Variants in LARGE1 observed in about 807,000 individuals in gnomAD.
LARGE1 encodes the protein LARGE xylosyl- and glucuronyltransferase 1.
A neutral mutation model predicts 87.6 loss-of-function variants in LARGE1; 43 were observed. That is an observed-to-expected ratio of 0.49 (90% CI 0.38 to 0.63). LARGE1 has a LOEUF of 0.63. Ranked by LOEUF, LARGE1 falls within the 30% of genes least tolerant of loss-of-function variation. The pLI, the probability that LARGE1 is intolerant of heterozygous loss-of-function variation, is 0.00. For synonymous variants in LARGE1, 434 were observed against 394.6 expected, an observed-to-expected ratio of 1.10 and a Z score of -1.18; for missense variants, 802 against 1,000.2, an observed-to-expected ratio of 0.80 and a Z score of 2.67.
chr22:33,839,572 G>A, intron 1 of LARGE1, among the ~76,000 whole-genome samples: 1 of 152,186 alleles, frequency 6.6e-6, no homozygotes, highest in East Asian at 1.9e-4. Context: ...ATGTTAGCAT[G>A]CCAATAGAGA....
At chr22:33,882,898 C>T (rs750368983) in intron 1 of LARGE1, among the ~76,000 whole-genome samples, 3 of 152,234 alleles carry the variant, frequency 2.0e-5, no homozygotes, top group African/African-American at 4.8e-5. Context: ...CTCCATAATC[C>T]AATTTTCCTC....
At chr22:33,329,204 G>A (rs1160658644) in intron 10 of LARGE1, among the ~76,000 whole-genome samples, 1 of 152,162 alleles carries the variant, frequency 6.6e-6, no homozygotes, top group East Asian at 1.9e-4. Context: ...GCTGGGCATA[G>A]GTGAATAATG....
intron 11 of LARGE1, among the ~76,000 whole-genome samples, chr22:33,183,624 A>ACACACACACACACG: frequency 9.8e-6 from 1 of 102,526 alleles, no homozygotes; most frequent in African/African-American, 2.9e-5. Context: ...ACACACGCAC[A>ACACACACACACACG]CACACACACA....
rs541319857 is a variant in LARGE1, at chr22:33,765,119, T to G, written c.-82-3561A>C. On this transcript the variant is annotated intron_variant, in intron 1 of 14. Transcript: ENST00000397394. ...TGCTTATGTAATTCTCAAAATAACCTACGAGATAAACACTATTTCCAGTCC... is the reference window on the plus strand; with the variant it reads ...TGCTTATGTAATTCTCAAAATAACCGACGAGATAAACACTATTTCCAGTCC... Among the ~76,000 whole-genome samples, 4 of 152,288 alleles carry G rather than the reference T, an allele frequency of 2.6e-5. No individual in the cohort carries two copies. In the South Asian group the frequency reaches 8.3e-4, roughly 32 times the overall value.
intron 11 of LARGE1, among the ~76,000 whole-genome samples, chr22:33,216,133 C>T (rs1280395364): frequency 6.6e-6 from 1 of 152,204 alleles, no homozygotes. Flanking sequence ...AATACTAGCT[C>T]TGTCACGTGC....
At chr22:33,728,563 A>AC (rs2083347642) in intron 2 of LARGE1, among the ~76,000 whole-genome samples, 1 of 142,362 alleles carries the variant, frequency 7.0e-6, no homozygotes, top group Admixed American at 7.1e-5. Flanking sequence ...AAAAAAAAAA[A>AC]AAAAAAAAAA....
At chr22:33,563,107 G>A (rs1050586913) in intron 6 of LARGE1, 1 of 152,400 alleles carries the variant, frequency 6.6e-6, no homozygotes, top group African/African-American at 2.4e-5. Flanking sequence ...TGTGGCCACA[G>A]GCATGGCCAC....
intron 11 of LARGE1, among the ~76,000 whole-genome samples, chr22:33,237,279 T>C (rs923306035): frequency 2.6e-5 from 4 of 152,186 alleles, no homozygotes; most frequent in African/African-American, 9.7e-5. Flanking sequence ...ATTTAAACCA[T>C]GATAAGCTTA....
intron 2 of LARGE1, among the ~76,000 whole-genome samples, chr22:33,667,111 A>C (rs1359313815): frequency 6.6e-6 from 1 of 152,226 alleles, no homozygotes; most frequent in Non-Finnish European, 1.5e-5. Flanking sequence ...ATAATTACTC[A>C]GCCCGGTGCA....
intron 6 of LARGE1, among the ~76,000 whole-genome samples, chr22:33,530,461 C>CTT (rs5845091): frequency 0.011 from 1,443 of 128,894 alleles, 17 homozygotes; most frequent in African/African-American, 0.04. Flanking sequence ...CTTGCTGAGG[C>CTT]TTTTTTTTTT....
At chr22:33,545,549 C>G (rs1259977490) in intron 6 of LARGE1, among the ~76,000 whole-genome samples, 1 of 152,120 alleles carries the variant, frequency 6.6e-6, no homozygotes, top group African/African-American at 2.4e-5. Flanking sequence ...TCAAGAGATT[C>G]TCCTGCCTCA....
intron 13 of LARGE1, 39 bp downstream of exon 13, chr22:33,283,163 T>G (rs1199385554): frequency 1.2e-6 from 2 of 1,613,302 alleles, no homozygotes; most frequent in Non-Finnish European, 1.7e-6. Flanking sequence ...AAAGAAGGCC[T>G]TCGAGCACCC....
chr22:33,679,832 A>C (rs2081699739), intron 2 of LARGE1, among the ~76,000 whole-genome samples: 1 of 151,946 alleles, frequency 6.6e-6, no homozygotes, highest in Non-Finnish European at 1.5e-5. Context: ...ACAAGAGCGA[A>C]ACTCTGTCTC....
intron 1 of LARGE1, among the ~76,000 whole-genome samples, chr22:33,865,832 CTTTTTTTTTTTTTTTTTTTTTT>C (rs3072359): frequency 0.07 from 1,980 of 28,418 alleles, 97 homozygotes; most frequent in African/African-American, 0.2. Flanking sequence ...AGCTGTTATT[CTTTTTTTTTTTTTTTTTTTTTT>C]TTTTTTTTTT....
chr22:33,536,465 T>C (rs2077046410), intron 6 of LARGE1, among the ~76,000 whole-genome samples: 1 of 152,220 alleles, frequency 6.6e-6, no homozygotes, highest in Non-Finnish European at 1.5e-5. Flanking sequence ...CACCCTGCTA[T>C]GCACTGAGGA....
chr22:33,075,243 A>G, the LARGE1 span, among the ~76,000 whole-genome samples: 99 of 152,312 alleles, frequency 6.5e-4, no homozygotes, highest in African/African-American at 1.8e-3. Context: ...CTATTATGTG[A>G]TAGAGTTGGA....
Position 33,645,933 on chromosome 22 carries a change from A to T in LARGE1, c.408+4434T>A, listed in dbSNP as rs577834866. 1.3e-3 allele frequency among the ~76,000 whole-genome samples: 199 copies of T among 152,338 alleles called. 1 individual carries two copies. Among genetic ancestry groups the T allele is most frequent in the African/African-American group, 4.5e-3 (188 of 41,578 alleles). ...TTGGAATGGCGATCATTAAAAAGTC[A>T]GGAAATAACAGATGCTGGAAAGGAT... On this transcript the variant is annotated intron_variant, in intron 3 of 14. Transcript: ENST00000397394.
Position 33,284,854 on chromosome 22 carries a change from T to C in LARGE1, c.1731-1506A>G, listed in dbSNP as rs1217976507. On this transcript the variant is annotated intron_variant, in intron 12 of 14. Coordinates refer to ENST00000397394, the MANE Select transcript of LARGE1 (RefSeq NM_133642.5). ...CCTCCCAAAGTGCTGGGATTACAGG[T>C]GTGCACCACTGCGCCCGGCCAGCAT... Among the ~76,000 whole-genome samples the C allele has an allele frequency of 4.6e-5, 7 of 152,108 alleles. No individual in the cohort carries two copies. The East Asian group carries it at 7.7e-4, about 17-fold the overall frequency.
chr22:33,384,157 C>A (rs770924770), intron 8 of LARGE1, 35 bp downstream of exon 8: 12 of 1,424,054 alleles, frequency 8.4e-6, no homozygotes, highest in Non-Finnish European at 1.2e-5. Context: ...CAAGCACACT[C>A]AGGAATAGCT....
Sources: gnomAD v4.1 joint callset for allele counts (sites outside exome capture counted in the v4.1 genomes callset) on GRCh38, gnomAD v4.1.1 for gene constraint, MANE v1.5 for transcripts, NCBI Gene and HGNC (gene_info 2026-07-23, HGNC 2026-07-21) for gene names.